NUAK1: variants seen among roughly 807,000 people sequenced by gnomAD.
The protein encoded by NUAK1 is NUAK family kinase 1.
NUAK1 carries 26 observed loss-of-function variants against 56.9 expected under a neutral mutation model. The ratio of observed to expected loss-of-function variants is 0.46; its 90% confidence interval spans 0.33 to 0.63. NUAK1 has a LOEUF of 0.63. Among genes scored for constraint, NUAK1 ranks in the 30% least tolerant of loss-of-function variants. The pLI, the probability that NUAK1 is intolerant of heterozygous loss-of-function variation, is 0.02. For missense variants in NUAK1, 727 were observed against 876.1 expected, an observed-to-expected ratio of 0.83 and a Z score of 2.15; for synonymous variants, 337 against 336.0, an observed-to-expected ratio of 1.00 and a Z score of -0.03.
intron 3 of NUAK1, 60 bp downstream of exon 3, chr12:106,086,674 A>T (rs2032573418): frequency 1.3e-6 from 2 of 1,538,034 alleles, no homozygotes; most frequent in African/African-American, 2.7e-5. Context: ...ATAGGAAAAA[A>T]ATCATGCAGT....
chr12:106,122,776 G>C (rs2032991128), intron 1 of NUAK1, among the ~76,000 whole-genome samples: 2 of 152,170 alleles, frequency 1.3e-5, no homozygotes, highest in South Asian at 4.1e-4. Flanking sequence ...GTGTCCCCAA[G>C]TCCCACTCCA....
At chr12:106,131,606 G>A (rs1233731735) in intron 1 of NUAK1, among the ~76,000 whole-genome samples, 1 of 152,174 alleles carries the variant, frequency 6.6e-6, no homozygotes, top group African/African-American at 2.4e-5. Context: ...TTCCACAAAT[G>A]AAATGGATGT....
Position 106,066,739 on chromosome 12 carries a change from G to A in NUAK1, c.*63C>T, listed in dbSNP as rs2032342689. On this transcript the variant is annotated 3_prime_UTR_variant, in exon 7 of 7. Coordinates refer to ENST00000261402, the MANE Select transcript of NUAK1 (RefSeq NM_014840.3). The stretch of plus-strand genomic sequence containing the variant: ...GCCAGCAAAGAGGTAACCAGCCTGT[G>A]AGCCCAAGTCTTGCTCCCCTTCCTC... The A allele has an allele frequency of 7.6e-7, 1 of 1,321,502 alleles. No individual in the cohort carries two copies. The highest frequency in any genetic ancestry group is 1.1e-6 in the Non-Finnish European group (1 of 948,722). The allele number at this position is 1,321,502 out of a possible 1,614,324, so 81.9% of individuals were successfully genotyped here.
chr12:106,098,062 G>A (rs922609644), intron 2 of NUAK1, among the ~76,000 whole-genome samples: 62 of 152,280 alleles, frequency 4.1e-4, no homozygotes, highest in African/African-American at 1.5e-3. Context: ...TGTACAATAA[G>A]GAATACAGGC....
rs2032344533 is a variant in NUAK1, at chr12:106,066,852, C to T, written c.1936G>A (p.Val646Met). The part of the protein sequence containing the change: ...SFSLLTDMDD[V>M]TQVYKQALEI... ...AGCGCTTGCTTGTAGACCTGAGTCA[C>T]ATCATCCATGTCTGTGAGGAGGGAG... Residue 646 changes from valine (V) to methionine (M), a missense_variant, in exon 7 of 7, where the codon GTG (valine) becomes ATG (methionine). By Grantham distance (21) the Val-to-Met change is conservative (BLOSUM62 1). Transcript: ENST00000261402. 2 of 1,614,154 alleles carry T rather than the reference C, an allele frequency of 1.2e-6. No homozygotes were observed. The highest frequency in any genetic ancestry group is 1.7e-6 in the Non-Finnish European group (2 of 1,180,006).
At chr12:106,131,501 T>A (rs927231091) in intron 1 of NUAK1, among the ~76,000 whole-genome samples, 3 of 152,238 alleles carry the variant, frequency 2.0e-5, no homozygotes, top group African/African-American at 7.2e-5. Context: ...TCATCCATGC[T>A]GTCACATGTA....
chr12:106,108,739 G>T (rs1476383877), intron 1 of NUAK1, among the ~76,000 whole-genome samples: 1 of 152,164 alleles, frequency 6.6e-6, no homozygotes, highest in Non-Finnish European at 1.5e-5. Context: ...AGGCTCTATT[G>T]TCAAGTTACA....
rs199583723 is a variant in NUAK1 at position 106,066,791 on chromosome 12, G to A, written c.*11C>T. 6.0e-5 allele frequency: 95 copies of A among 1,595,156 alleles called. No individual in the cohort carries two copies. The highest frequency in any genetic ancestry group is 3.2e-4 in the African/African-American group (24 of 74,614). On this transcript the variant is annotated 3_prime_UTR_variant, in exon 7 of 7. Transcript: ENST00000261402. Reference sequence around the variant, plus strand: ...CTCGTACCCCCGCCCGCCCCTGGGCGCCCTGGAATGCTAGTTGAGCTTGCT... The same window carrying A: ...CTCGTACCCCCGCCCGCCCCTGGGCACCCTGGAATGCTAGTTGAGCTTGCT...
intron 1 of NUAK1, among the ~76,000 whole-genome samples, chr12:106,108,579 T>C (rs1040474693): frequency 5.3e-5 from 8 of 152,146 alleles, no homozygotes; most frequent in Non-Finnish European, 2.9e-5. Flanking sequence ...TGGGACCTTG[T>C]TCTGGGAGGA....
intron 2 of NUAK1, chr12:106,105,798 G>C (rs1471487764): frequency 6.6e-6 from 1 of 152,126 alleles, no homozygotes; most frequent in East Asian, 1.9e-4. Flanking sequence ...GTCTGTGGGC[G>C]GTTTATTCTC....
chr12:106,078,385 CT>C (rs1250072785), intron 4 of NUAK1, among the ~76,000 whole-genome samples: 11 of 152,302 alleles, frequency 7.2e-5, no homozygotes, highest in Non-Finnish European at 1.3e-4. Context: ...GATAAGAAAA[CT>C]GAGGCACAGG....
intron 1 of NUAK1, among the ~76,000 whole-genome samples, chr12:106,116,904 G>A (rs950030460): frequency 1.3e-5 from 2 of 152,208 alleles, no homozygotes; most frequent in Non-Finnish European, 2.9e-5. Flanking sequence ...GGGCTGGGAG[G>A]CATGTCCCTA....
chr12:106,083,233 A>G (rs1384802318), intron 4 of NUAK1, among the ~76,000 whole-genome samples: 3 of 152,152 alleles, frequency 2.0e-5, no homozygotes, highest in Non-Finnish European at 2.9e-5. Flanking sequence ...GTGGAGAGGG[A>G]GAAGTAGGAG....
chr12:106,064,793 A>ACCCCCCCCCCCCCCCCCCCCCCC lies in NUAK1; in HGVS notation c.*2008_*2009insGGGGGGGGGGGGGGGGGGGGGGG, dbSNP rs57837292. 2 of 114,576 alleles carry ACCCCCCCCCCCCCCCCCCCCCCC rather than the reference A, an allele frequency of 1.7e-5. No individual in the cohort carries two copies. Among genetic ancestry groups the ACCCCCCCCCCCCCCCCCCCCCCC allele is most frequent in the Admixed American group, 1.8e-4 (2 of 10,984 alleles). The allele number at this position is 114,576 out of a possible 1,614,324, so 7.1% of individuals were successfully genotyped here. ...TTGTCCTCCATGCACCCACACCCCC[A>ACCCCCCCCCCCCCCCCCCCCCCC]CCCCCCCCCACACACACAATTTGCT... On this transcript the variant is annotated 3_prime_UTR_variant, in exon 7 of 7. Transcript: ENST00000261402.
intron 1 of NUAK1, among the ~76,000 whole-genome samples, chr12:106,118,598 A>T (rs1389430083): frequency 2.0e-5 from 3 of 152,256 alleles, no homozygotes; most frequent in African/African-American, 7.2e-5. Context: ...CTTTGATGGC[A>T]ATACTTTATA....
At chr12:106,132,297 C>T (rs945627234) in intron 1 of NUAK1, among the ~76,000 whole-genome samples, 2 of 152,242 alleles carry the variant, frequency 1.3e-5, no homozygotes, top group African/African-American at 2.4e-5. Flanking sequence ...TAACGTACAA[C>T]TTCGACACCT....
intron 1 of NUAK1, among the ~76,000 whole-genome samples, chr12:106,112,863 C>T (rs2032877901): frequency 6.6e-6 from 1 of 152,196 alleles, no homozygotes; most frequent in Non-Finnish European, 1.5e-5. Flanking sequence ...CTCATCAGCC[C>T]TTTAATGTTG....
intron 1 of NUAK1, among the ~76,000 whole-genome samples, chr12:106,134,019 T>G (rs888830693): frequency 6.6e-6 from 1 of 152,000 alleles, no homozygotes; most frequent in Non-Finnish European, 1.5e-5. Context: ...TCTTTAAGAG[T>G]GAGGCCCATG....
chr12:106,109,815 T>C (rs527956380), intron 1 of NUAK1, among the ~76,000 whole-genome samples: 2 of 152,160 alleles, frequency 1.3e-5, no homozygotes, highest in East Asian at 1.9e-4. Context: ...GGATTACACA[T>C]CAGGTGCTCA....
Sources: allele counts gnomAD v4.1 joint callset (sites outside exome capture counted in the v4.1 genomes callset), GRCh38; gene constraint gnomAD v4.1.1; transcripts MANE v1.5; gene names NCBI Gene and HGNC (gene_info 2026-07-23, HGNC 2026-07-21).